Variants in PDE3A observed in about 807,000 individuals in gnomAD.
PDE3A encodes phosphodiesterase 3A.
In PDE3A, 43 loss-of-function variants were observed where a neutral mutation model predicts 98.3. The observed-to-expected ratio is 0.44, with a 90% CI of 0.34 to 0.56. PDE3A has a LOEUF of 0.56. Among genes scored for constraint, PDE3A ranks in the 20% least tolerant of loss-of-function variants. The pLI is 0.01. For missense variants in PDE3A, 1,427 were observed against 1,440.7 expected, an observed-to-expected ratio of 0.99 and a Z score of 0.15; for synonymous variants, 663 against 567.9, an observed-to-expected ratio of 1.17 and a Z score of -2.38.
At chr12:20,449,407 T>C (rs897548733) in intron 1 of PDE3A, among the ~76,000 whole-genome samples, 3 of 152,176 alleles carry the variant, frequency 2.0e-5, no homozygotes, top group African/African-American at 7.2e-5. Context: ...TTACAGACAT[T>C]GTCATTTATT....
intron 1 of PDE3A, among the ~76,000 whole-genome samples, chr12:20,511,972 T>C (rs1946233270): frequency 6.6e-6 from 1 of 152,000 alleles, no homozygotes; most frequent in Non-Finnish European, 1.5e-5. Flanking sequence ...ACAAACCCAT[T>C]TGAGGGATAT....
At chr12:20,431,348 T>C (rs1565546911) in intron 1 of PDE3A, among the ~76,000 whole-genome samples, 1 of 152,176 alleles carries the variant, frequency 6.6e-6, no homozygotes, top group Non-Finnish European at 1.5e-5. Flanking sequence ...TGTTCGGCCA[T>C]GTATGTTCAT....
chr12:20,643,980 C>T (rs1944709092), intron 10 of PDE3A, among the ~76,000 whole-genome samples: 1 of 152,104 alleles, frequency 6.6e-6, no homozygotes, highest in South Asian at 2.1e-4. Flanking sequence ...CAAACAGGCT[C>T]TGCCAACACT....
chr12:20,675,138 T>A (rs1945600467), intron 15 of PDE3A, among the ~76,000 whole-genome samples: 1 of 152,070 alleles, frequency 6.6e-6, no homozygotes, highest in African/African-American at 2.4e-5. Flanking sequence ...TTCAAGAAAT[T>A]TATTGATTTA....
At chr12:20,404,595 A>G (rs549817248) in intron 1 of PDE3A, among the ~76,000 whole-genome samples, 1 of 152,350 alleles carries the variant, frequency 6.6e-6, no homozygotes, top group East Asian at 1.9e-4. Flanking sequence ...CAAAATAAAT[A>G]TATTGAATGG....
chr12:20,603,225 C>T (rs964044381), intron 2 of PDE3A, among the ~76,000 whole-genome samples: 2 of 152,218 alleles, frequency 1.3e-5, no homozygotes, highest in Non-Finnish European at 1.5e-5. Flanking sequence ...CTTATCCCAA[C>T]TCCCTTTCCA....
intron 15 of PDE3A, among the ~76,000 whole-genome samples, chr12:20,667,109 T>A (rs1945334004): frequency 2.0e-5 from 3 of 152,198 alleles, no homozygotes; most frequent in Non-Finnish European, 4.4e-5. Flanking sequence ...CTTGCCCACT[T>A]TTTAATAGAA....
Position 20,630,112 on chromosome 12 carries a change from C to G in PDE3A, c.1745C>G (p.Pro582Arg). 6.2e-7 allele frequency: 1 copy of G among 1,607,754 alleles called. No individual in the cohort carries two copies. Among genetic ancestry groups the G allele is most frequent in the Admixed American group, 1.7e-5 (1 of 59,984 alleles). The part of the protein sequence containing the change: ...PDLSPQILTP[P>R]VICSSCGRPY... The stretch of plus-strand genomic sequence containing the variant: ...CTATCCCCTCAAATCCTGACTCCAC[C>G]TGTTATATGTAGCAGGTAAGGATTT... Residue 582 changes from proline to arginine, a missense_variant, in exon 6 of 16, where the codon CCT becomes CGT. Coordinates refer to ENST00000359062, the MANE Select transcript of PDE3A (RefSeq NM_000921.5).
intron 15 of PDE3A, among the ~76,000 whole-genome samples, chr12:20,656,329 C>T (rs1433534205): frequency 3.3e-5 from 5 of 152,162 alleles, no homozygotes; most frequent in Admixed American, 2.6e-4. Context: ...ATATAAGCAC[C>T]TTGTTGTAGG....
At chr12:20,671,500 A>T (rs992257540) in intron 15 of PDE3A, among the ~76,000 whole-genome samples, 3 of 151,318 alleles carry the variant, frequency 2.0e-5, no homozygotes, top group African/African-American at 7.3e-5. Context: ...GCTTATCCAC[A>T]ATGATCAAGT....
intron 1 of PDE3A, among the ~76,000 whole-genome samples, chr12:20,527,531 A>C (rs2121174004): frequency 6.6e-6 from 1 of 152,238 alleles, no homozygotes; most frequent in South Asian, 2.1e-4. Flanking sequence ...CTCTCCTCCC[A>C]ACCTACATTT....
chr12:20,391,638 G>T (rs11045205), intron 1 of PDE3A, among the ~76,000 whole-genome samples: 62,047 of 150,850 alleles, frequency 0.41, 14,200 homozygotes, highest in East Asian at 0.58. Flanking sequence ...CATCAGTGCT[G>T]TTGTATCACA....
At chr12:20,679,528 G>A (rs181959529) in intron 15 of PDE3A, among the ~76,000 whole-genome samples, 2 of 152,298 alleles carry the variant, frequency 1.3e-5, no homozygotes, top group South Asian at 2.1e-4. Context: ...ATTCACAGAC[G>A]TGAGCCACTG....
At chr12:20,545,056 A>C (rs1356324811) in intron 1 of PDE3A, among the ~76,000 whole-genome samples, 1 of 152,080 alleles carries the variant, frequency 6.6e-6, no homozygotes, top group African/African-American at 2.4e-5. Context: ...TCACAGGAAA[A>C]CTTAAGCATG....
chr12:20,677,677 T>G (rs1189676852), intron 15 of PDE3A, among the ~76,000 whole-genome samples: 1 of 152,146 alleles, frequency 6.6e-6, no homozygotes, highest in Non-Finnish European at 1.5e-5. Context: ...GCCAGGATGG[T>G]CTCAATCTCC....
chr12:20,674,680 G>T (rs1193527514), intron 15 of PDE3A, among the ~76,000 whole-genome samples: 3 of 151,964 alleles, frequency 2.0e-5, no homozygotes, highest in Non-Finnish European at 4.4e-5. Flanking sequence ...TTCAATCTTG[G>T]TATATGTGTC....
rs780978515 is a variant in PDE3A, at chr12:20,629,960, A to G, written c.1593A>G (p.Gln531=). ...CATCGCCCTGCTCCTCACCTCTCCA[A>G]GGGACTCCTGCCAGCAGCCTGGTCA... ...PLSSPCSSPL[Q]GTPASSLVSK... is the part of the protein sequence containing the mutation. The change falls in exon 6 of 16, where the codon CAA becomes CAG. Residue 531 remains glutamine (Q), a synonymous_variant. Transcript: ENST00000359062. 2.5e-6 allele frequency: 4 copies of G among 1,613,882 alleles called. No individual in the cohort carries two copies. In the African/African-American group the frequency reaches 5.3e-5, roughly 22 times the overall value.
intron 2 of PDE3A, among the ~76,000 whole-genome samples, chr12:20,558,971 G>T (rs564427897): frequency 2.0e-5 from 3 of 152,208 alleles, no homozygotes; most frequent in African/African-American, 7.2e-5. Context: ...GAAAAGACAA[G>T]TATACTGCTT....
chr12:20,605,035 C>T (rs757581589), intron 2 of PDE3A, among the ~76,000 whole-genome samples: 1 of 152,164 alleles, frequency 6.6e-6, no homozygotes, highest in Non-Finnish European at 1.5e-5. Context: ...AAGGGAAATA[C>T]ATTCTTAGGC....
Sources: allele counts gnomAD v4.1 joint callset (sites outside exome capture counted in the v4.1 genomes callset), GRCh38; gene constraint gnomAD v4.1.1; transcripts MANE v1.5; gene names NCBI Gene and HGNC (gene_info 2026-07-23, HGNC 2026-07-21).